CTNNA3: variants seen among roughly 807,000 people sequenced by gnomAD.
The protein encoded by CTNNA3 is catenin alpha 3, also known as catenin alpha-3.
Under a neutral mutation model 95.7 loss-of-function variants are expected in CTNNA3, and 76 were observed. That is an observed-to-expected ratio of 0.79 (90% CI 0.66 to 0.96). The LOEUF is 0.96. Among genes scored for constraint, CTNNA3 ranks in the 40% least tolerant of loss-of-function variants. CTNNA3 has a pLI of 0.00. For missense variants in CTNNA3, 1,191 were observed against 1,089.8 expected (o/e 1.09, Z -1.31); for synonymous variants, 431 against 374.4 (o/e 1.15, Z -1.74).
chr10:66,310,074 C>A (rs2091996656), intron 12 of CTNNA3, among the ~76,000 whole-genome samples: 1 of 151,168 alleles, frequency 6.6e-6, no homozygotes, highest in South Asian at 2.1e-4. Flanking sequence ...GCTGAGATTG[C>A]ACCACTGCAC....
At chr10:65,968,701 G>A (rs1281741199) in intron 16 of CTNNA3, among the ~76,000 whole-genome samples, 1 of 152,222 alleles carries the variant, frequency 6.6e-6, no homozygotes, top group African/African-American at 2.4e-5. Context: ...ATGTAGAGGA[G>A]CCTCTCTGCT....
At chr10:66,284,100 C>T (rs187709346) in intron 12 of CTNNA3, among the ~76,000 whole-genome samples, 2 of 151,700 alleles carry the variant, frequency 1.3e-5, no homozygotes, top group African/African-American at 2.4e-5. Context: ...ACAAAGGCGG[C>T]CTTTTGGTCA....
intron 5 of CTNNA3, among the ~76,000 whole-genome samples, chr10:67,452,091 G>C (rs1364288227): frequency 6.6e-6 from 1 of 150,830 alleles, no homozygotes; most frequent in Non-Finnish European, 1.5e-5. Flanking sequence ...AGGAAGGAAG[G>C]AAGGAAGGAA....
rs571737412 is a variant in CTNNA3, at chr10:66,926,844, T to C, written c.1048-151320A>G. 6 of 1,273,480 alleles carry C rather than the reference T, an allele frequency of 4.7e-6. No homozygotes were observed. In the East Asian group the frequency reaches 7.5e-5, roughly 16 times the overall value. The allele number at this position is 1,273,480 out of a possible 1,614,324, so 78.9% of individuals were successfully genotyped here. A position where few individuals can be genotyped will look rare whatever the true frequency, so the allele number is the denominator to read the frequency against. On this transcript the variant is annotated intron_variant, in intron 7 of 17. Transcript: ENST00000433211. ...GATTTAAATTTTTAAAAATGAAAAA[T>C]ATATGCCTATTTTTGCTTGATTAAG...
At chr10:66,372,736 C>G (rs2092763357) in intron 12 of CTNNA3, among the ~76,000 whole-genome samples, 1 of 152,132 alleles carries the variant, frequency 6.6e-6, no homozygotes, top group African/African-American at 2.4e-5. Flanking sequence ...GGCACCTCTT[C>G]ACAGGGAGAC....
At chr10:66,733,141 A>T (rs917223424) in intron 9 of CTNNA3, among the ~76,000 whole-genome samples, 3 of 152,152 alleles carry the variant, frequency 2.0e-5, no homozygotes, top group African/African-American at 7.2e-5. Context: ...ATATTCAAGT[A>T]AGATATGTTC....
At chr10:67,117,514 T>C (rs1012656724) in intron 7 of CTNNA3, among the ~76,000 whole-genome samples, 1 of 152,024 alleles carries the variant, frequency 6.6e-6, no homozygotes, top group Non-Finnish European at 1.5e-5. Context: ...TACCCTAACA[T>C]ATTAAAAATA....
At chr10:67,711,966 G>C (rs1841112853) in intron 1 of CTNNA3, among the ~76,000 whole-genome samples, 1 of 152,070 alleles carries the variant, frequency 6.6e-6, no homozygotes, top group Non-Finnish European at 1.5e-5. Context: ...CATTGTGGAA[G>C]TCAGTGTGGA....
At chr10:66,354,993 C>A (rs183354576) in intron 12 of CTNNA3, among the ~76,000 whole-genome samples, 79 of 152,230 alleles carry the variant, frequency 5.2e-4, no homozygotes, top group Middle Eastern at 3.4e-3. Context: ...GCTCAGACAT[C>A]TGCAACTAAT....
In CTNNA3 at chr10:67,691,992, C is replaced by T. The variant is rs532170532; in HGVS notation, c.-6+4008G>A. 8.2e-3 allele frequency among the ~76,000 whole-genome samples: 1,195 copies of T among 146,238 alleles called. 6 individuals are homozygous for T. The highest frequency in any genetic ancestry group is 0.013 in the Non-Finnish European group (854 of 65,630). ...GCCGCCCCATCCGGGAAGTGAGGGG[C>T]GCCTCTGCCCGGCCGCCCCTACTGG... On this transcript the variant is annotated intron_variant, in intron 1 of 17. Transcript: ENST00000433211.
In CTNNA3 at chr10:67,547,606, T is replaced by C. The variant is rs148835890; in HGVS notation, c.293-7937A>G. Among the ~76,000 whole-genome samples the C allele has an allele frequency of 5.0e-3, 754 of 152,312 alleles. 6 individuals are homozygous for C. Among genetic ancestry groups the C allele is most frequent in the Middle Eastern group, 0.021 (6 of 292 alleles). ...CCTTATGCAGAAATGACAGAAGTTA[T>C]TTTAGGGCCCCATTATAAAGTCTTA... is the stretch of plus-strand genomic sequence containing the variant. On this transcript the variant is annotated intron_variant, in intron 3 of 17. Transcript: ENST00000433211.
chr10:66,491,017 A>G (rs894760949), intron 11 of CTNNA3, among the ~76,000 whole-genome samples: 1 of 152,172 alleles, frequency 6.6e-6, no homozygotes, highest in South Asian at 2.1e-4. Context: ...TATGTTACTG[A>G]TATCTTGAAA....
chr10:66,829,873 T>TTGTTGTTGC (rs1238530393), intron 7 of CTNNA3, among the ~76,000 whole-genome samples: 3 of 149,410 alleles, frequency 2.0e-5, no homozygotes, highest in African/African-American at 4.9e-5. Context: ...GTTGTTGTTG[T>TTGTTGTTGC]TGTTGTTGTT....
At chr10:66,075,038 A>T (rs187931632) in intron 14 of CTNNA3, among the ~76,000 whole-genome samples, 96 of 151,926 alleles carry the variant, frequency 6.3e-4, no homozygotes, top group Non-Finnish European at 9.3e-4. Context: ...GCCTCTACAC[A>T]GATCTTAGAT....
intron 5 of CTNNA3, among the ~76,000 whole-genome samples, chr10:67,297,823 C>G (rs1840108484): frequency 6.6e-6 from 1 of 152,180 alleles, no homozygotes; most frequent in Non-Finnish European, 1.5e-5. Flanking sequence ...ACATACTTTG[C>G]ATCCTGCGGT....
intron 6 of CTNNA3, among the ~76,000 whole-genome samples, chr10:67,199,305 C>T (rs1314835917): frequency 2.6e-5 from 4 of 152,000 alleles, no homozygotes; most frequent in Non-Finnish European, 5.9e-5. Flanking sequence ...AAATAAAAAT[C>T]CAGCTTTCAT....
chr10:67,647,751 C>T (rs553816447), intron 1 of CTNNA3, among the ~76,000 whole-genome samples: 1 of 152,162 alleles, frequency 6.6e-6, no homozygotes. Flanking sequence ...TTAATCTACA[C>T]AAGTATGTTC....
intron 9 of CTNNA3, among the ~76,000 whole-genome samples, chr10:66,749,786 A>T (rs755359011): frequency 6.6e-6 from 1 of 152,212 alleles, no homozygotes; most frequent in Non-Finnish European, 1.5e-5. Flanking sequence ...AGAAACTGCC[A>T]AACTGTCTTC....
intron 17 of CTNNA3, among the ~76,000 whole-genome samples, chr10:65,942,462 G>T (rs758576748): frequency 5.8e-4 from 88 of 152,300 alleles, no homozygotes; most frequent in Admixed American, 1.1e-3. Flanking sequence ...CCAGGAGGCA[G>T]AGGTTGCAGT....
Sources: gnomAD v4.1 joint callset for allele counts (sites outside exome capture counted in the v4.1 genomes callset) on GRCh38, gnomAD v4.1.1 for gene constraint, MANE v1.5 for transcripts, NCBI Gene and HGNC (gene_info 2026-07-23, HGNC 2026-07-21) for gene names.